PRIM2: variants seen among roughly 807,000 people sequenced by gnomAD.
PRIM2 encodes DNA primase subunit 2, also known as DNA primase large subunit.
In PRIM2, 39 loss-of-function variants were observed where a neutral mutation model predicts 67.3. That is an observed-to-expected ratio of 0.58 (90% CI 0.45 to 0.76). PRIM2 has a LOEUF of 0.76. PRIM2 is among the 30% of genes least tolerant of loss of function. The probability of loss-of-function intolerance (pLI) is 0.00; values close to 1 mark genes in which losing one functional copy is unlikely to be tolerated. For missense variants in PRIM2, 398 were observed against 598.7 expected, an observed-to-expected ratio of 0.66 and a Z score of 3.50; for synonymous variants, 143 against 198.7, an observed-to-expected ratio of 0.72 and a Z score of 2.36.
In PRIM2 at chr6:57,425,419, G is replaced by A. The variant is rs576616872; in HGVS notation, c.693+43251G>A. Among the ~76,000 whole-genome samples the A allele has an allele frequency of 7.2e-3, 1,100 of 152,184 alleles. 14 individuals are homozygous for A. The highest frequency in any genetic ancestry group is 0.025 in the African/African-American group (1,046 of 41,518). On this transcript the variant is annotated intron_variant, in intron 7 of 13. Coordinates refer to ENST00000615550, the MANE Select transcript of PRIM2 (RefSeq NM_000947.5). Reference sequence around the variant, plus strand: ...TTTAGTAGAGATGGGGTTTCACCATGTTGGCCAGGATGGTCTCGATCTCTT... The same window carrying A: ...TTTAGTAGAGATGGGGTTTCACCATATTGGCCAGGATGGTCTCGATCTCTT...
rs544006880 is a variant in PRIM2 at position 57,414,054 on chromosome 6, G to A, written c.693+31886G>A. Among the ~76,000 whole-genome samples, 837 of 152,214 alleles carry A rather than the reference G, an allele frequency of 5.5e-3. 19 individuals are homozygous for A. The highest frequency in any genetic ancestry group is 9.7e-4 in the Non-Finnish European group (66 of 67,956). ...TGGACTAGGCAGAATACTTCATTTAGTTAAGGGGGAAACAAGCGTTTGGTT... is the reference window on the plus strand; with the variant it reads ...TGGACTAGGCAGAATACTTCATTTAATTAAGGGGGAAACAAGCGTTTGGTT... On this transcript the variant is annotated intron_variant, in intron 7 of 13. Transcript: ENST00000615550.
intron 7 of PRIM2, among the ~76,000 whole-genome samples, chr6:57,416,793 A>G (rs1275617681): frequency 1.1e-4 from 17 of 152,126 alleles, no homozygotes; most frequent in African/African-American, 3.6e-4. Flanking sequence ...CATCTCTGCT[A>G]GCCTCCAACT....
At chr6:57,562,299 C>T (rs1475962116) in intron 10 of PRIM2, among the ~76,000 whole-genome samples, 1 of 152,190 alleles carries the variant, frequency 6.6e-6, no homozygotes, top group Non-Finnish European at 1.5e-5. Flanking sequence ...CATGGATAGA[C>T]ATGCTCGATG....
chr6:57,407,811 G>A (rs1363030144), intron 7 of PRIM2, among the ~76,000 whole-genome samples: 2 of 152,316 alleles, frequency 1.3e-5, no homozygotes, highest in African/African-American at 4.8e-5. Flanking sequence ...GGTAGTGGTG[G>A]TGAAGGCAGG....
intron 1 of PRIM2, among the ~76,000 whole-genome samples, 191 bp from the exon 2 acceptor site, chr6:57,318,246 A>G (rs1350011437): frequency 6.6e-6 from 1 of 152,182 alleles, no homozygotes; most frequent in Admixed American, 6.5e-5. Context: ...CAAAATTATT[A>G]TAGGTGTATT....
intron 5 of PRIM2, among the ~76,000 whole-genome samples, chr6:57,371,396 T>G (rs1769552769): frequency 6.6e-6 from 1 of 152,146 alleles, no homozygotes. Context: ...TAATGTGGGA[T>G]TTGTTTAGTT....
chr6:57,465,891 A>G (rs1421488268), intron 7 of PRIM2, among the ~76,000 whole-genome samples: 5 of 151,984 alleles, frequency 3.3e-5, no homozygotes, highest in African/African-American at 7.3e-5. Flanking sequence ...TTACATAGGT[A>G]TACACATATC....
At chr6:57,250,568 T>C in the PRIM2 span, among the ~76,000 whole-genome samples, 1 of 152,172 alleles carries the variant, frequency 6.6e-6, no homozygotes, top group South Asian at 2.1e-4. Context: ...GAAGACAACT[T>C]TCTGAAAGTG....
At chr6:57,239,973 C>A in the PRIM2 span, among the ~76,000 whole-genome samples, 1 of 152,060 alleles carries the variant, frequency 6.6e-6, no homozygotes, top group Non-Finnish European at 1.5e-5. Flanking sequence ...TTCTTGCCCT[C>A]ATACAGCTCA....
chr6:57,358,446 A>G (rs1395815034), intron 5 of PRIM2, among the ~76,000 whole-genome samples: 1 of 152,188 alleles, frequency 6.6e-6, no homozygotes, highest in Non-Finnish European at 1.5e-5. Flanking sequence ...AAAGTTCAAA[A>G]TCCTTCAAGA....
intron 9 of PRIM2, among the ~76,000 whole-genome samples, chr6:57,533,174 C>T (rs1412609813): frequency 4.0e-5 from 6 of 151,874 alleles, no homozygotes; most frequent in African/African-American, 7.2e-5. Flanking sequence ...GTGTAGGCTA[C>T]GAGATTAATA....
At chr6:57,289,978 G>T in the PRIM2 span, among the ~76,000 whole-genome samples, 1 of 152,062 alleles carries the variant, frequency 6.6e-6, no homozygotes, top group Non-Finnish European at 1.5e-5. Context: ...ATGTAAATGG[G>T]CTAAATGTCC....
At chr6:57,526,377 A>G (rs1774753284) in intron 8 of PRIM2, among the ~76,000 whole-genome samples, 1 of 152,194 alleles carries the variant, frequency 6.6e-6, no homozygotes, top group Non-Finnish European at 1.5e-5. Flanking sequence ...ATTACCACAC[A>G]TATTTATGGA....
intron 5 of PRIM2, among the ~76,000 whole-genome samples, chr6:57,375,738 GACT>G (rs1200605267): frequency 1.3e-5 from 2 of 151,028 alleles, no homozygotes; most frequent in Non-Finnish European, 2.9e-5. Flanking sequence ...TCTCAGCTGG[GACT>G]ACTAGGTACT....
At chr6:57,307,661 G>A in the PRIM2 span, among the ~76,000 whole-genome samples, 1 of 152,210 alleles carries the variant, frequency 6.6e-6, no homozygotes. Context: ...AGGTCTGAAA[G>A]GTAGAGGAAA....
chr6:57,257,988 G>A, the PRIM2 span, among the ~76,000 whole-genome samples: 1 of 152,112 alleles, frequency 6.6e-6, no homozygotes, highest in African/African-American at 2.4e-5. Context: ...ATTCTCTCCA[G>A]TATGCTGCAC....
intron 5 of PRIM2, among the ~76,000 whole-genome samples, chr6:57,339,031 A>G (rs1768374808): frequency 6.6e-6 from 1 of 152,186 alleles, no homozygotes; most frequent in African/African-American, 2.4e-5. Flanking sequence ...ATCAATGTAC[A>G]AAAATCACAA....
At chr6:57,587,155 C>T (rs1776203851) in intron 10 of PRIM2, 1 of 152,212 alleles carries the variant, frequency 6.6e-6, no homozygotes, top group South Asian at 2.1e-4. Flanking sequence ...ATTCAGTGTC[C>T]TAAAGGGAGT....
chr6:57,451,950 A>G (rs988908455), intron 7 of PRIM2, among the ~76,000 whole-genome samples: 1 of 116,772 alleles, frequency 8.6e-6, no homozygotes, highest in African/African-American at 3.2e-5. Context: ...ACCCCACAAC[A>G]GGCCCTGGTG....
Sources: gnomAD v4.1 joint callset for allele counts (sites outside exome capture counted in the v4.1 genomes callset) on GRCh38, gnomAD v4.1.1 for gene constraint, MANE v1.5 for transcripts, NCBI Gene and HGNC (gene_info 2026-07-23, HGNC 2026-07-21) for gene names.